PEX5L: variants seen among roughly 807,000 people sequenced by gnomAD.
PEX5L encodes PEX5-related protein.
In PEX5L, 30 loss-of-function variants were observed where a neutral mutation model predicts 84.0. That is an observed-to-expected ratio of 0.36 (90% CI 0.27 to 0.48). The LOEUF (loss-of-function observed/expected upper bound fraction) is 0.48. PEX5L is among the 20% of genes least tolerant of loss of function. PEX5L has a pLI of 0.99. For missense variants in PEX5L, 533 were observed against 754.6 expected (o/e 0.71, Z 3.44); for synonymous variants, 270 against 283.1 (o/e 0.95, Z 0.46).
At chr3:179,982,578 T>C (rs759519231) in intron 1 of PEX5L, among the ~76,000 whole-genome samples, 4 of 152,174 alleles carry the variant, frequency 2.6e-5, no homozygotes, top group Non-Finnish European at 1.5e-5. Flanking sequence ...ATGAGGAGCA[T>C]GAAGCTAGTA....
chr3:179,902,704 T>G, intron 2 of PEX5L: 2 of 456,456 alleles, frequency 4.4e-6, no homozygotes, highest in Non-Finnish European at 8.8e-6. Context: ...ACTTAAAGTA[T>G]GCAATTCCAC....
intron 2 of PEX5L, among the ~76,000 whole-genome samples, chr3:179,954,431 G>T (rs201239407): frequency 6.6e-6 from 1 of 152,074 alleles, no homozygotes; most frequent in Non-Finnish European, 1.5e-5. Context: ...GCCCTATTCC[G>T]TGATTCAGTA....
rs757953936 is a variant in PEX5L at position 179,947,633 on chromosome 3, T to C, written c.93+23961A>G. 2.6e-4 allele frequency among the ~76,000 whole-genome samples: 39 copies of C among 151,704 alleles called. No individual in the cohort carries two copies. In the South Asian group the frequency reaches 2.9e-3, roughly 11 times the overall value. On this transcript the variant is annotated intron_variant, in intron 2 of 14. Coordinates refer to ENST00000467460, the MANE Select transcript of PEX5L (RefSeq NM_016559.3). ...AAAGATAGTACTGACGCAAAGTAAA[T>C]AGCATTTTTTTAACTTTGTAGTTGC...
intron 2 of PEX5L, among the ~76,000 whole-genome samples, chr3:179,948,009 A>G (rs371288375): frequency 1.2e-4 from 19 of 152,232 alleles, no homozygotes; most frequent in African/African-American, 3.9e-4. Flanking sequence ...CCTGGCCAAA[A>G]AAGTTACTTT....
intron 1 of PEX5L, among the ~76,000 whole-genome samples, chr3:180,005,981 A>G (rs759627989): frequency 6.6e-6 from 1 of 152,186 alleles, no homozygotes; most frequent in Non-Finnish European, 1.5e-5. Flanking sequence ...GCATTAGAAC[A>G]TCCATTTTTA....
intron 2 of PEX5L, among the ~76,000 whole-genome samples, chr3:179,908,776 T>C (rs1578315073): frequency 4.6e-5 from 7 of 152,214 alleles, no homozygotes; most frequent in Admixed American, 3.3e-4. Flanking sequence ...GCTTCATCCA[T>C]GTCCCTACAA....
rs192350860 is a variant in PEX5L, at chr3:180,001,244, G to A, written c.22-29579C>T. 2.6e-5 allele frequency among the ~76,000 whole-genome samples: 4 copies of A among 151,638 alleles called. No individual in the cohort carries two copies. The East Asian group carries it at 7.7e-4, about 29-fold the overall frequency. ...TTTGGGACTTGCACTGGCTCTCCTTGCTCCTCAGCTTGCAGATGGCCAATT... is the reference window on the plus strand; with the variant it reads ...TTTGGGACTTGCACTGGCTCTCCTTACTCCTCAGCTTGCAGATGGCCAATT... On this transcript the variant is annotated intron_variant, in intron 1 of 14. Coordinates refer to ENST00000467460, the MANE Select transcript of PEX5L (RefSeq NM_016559.3).
At chr3:179,882,889 C>A (rs896841642) in intron 4 of PEX5L, among the ~76,000 whole-genome samples, 2 of 151,938 alleles carry the variant, frequency 1.3e-5, no homozygotes, top group African/African-American at 4.8e-5. Flanking sequence ...GAGTTTGAGA[C>A]CAGCCTAGGC....
In PEX5L at chr3:180,021,349, T is replaced by A. The variant is rs115236030; in HGVS notation, c.21+15230A>T. On this transcript the variant is annotated intron_variant, in intron 1 of 14. Transcript: ENST00000467460. ...GTAGGGCTTATAAGTCATATATTAT[T>A]GTGGAGGCCAGTGTTTTTCATACTT... Among the ~76,000 whole-genome samples the A allele has an allele frequency of 4.2e-3, 642 of 152,250 alleles. 11 individuals are homozygous for A. The highest frequency in any genetic ancestry group is 0.015 in the African/African-American group (616 of 41,540).
chr3:180,002,680 G>A (rs1462785910), intron 1 of PEX5L, among the ~76,000 whole-genome samples: 2 of 151,818 alleles, frequency 1.3e-5, no homozygotes, highest in Non-Finnish European at 2.9e-5. Flanking sequence ...AATCCTTTTG[G>A]GGGGCATATT....
chr3:180,026,390 T>C (rs1790960383), intron 1 of PEX5L, among the ~76,000 whole-genome samples: 1 of 152,164 alleles, frequency 6.6e-6, no homozygotes, highest in African/African-American at 2.4e-5. Flanking sequence ...ATGACTCAAA[T>C]GCACAGGGCA....
At chr3:179,992,591 T>C (rs1490162529) in intron 1 of PEX5L, among the ~76,000 whole-genome samples, 1 of 152,114 alleles carries the variant, frequency 6.6e-6, no homozygotes, top group Non-Finnish European at 1.5e-5. Context: ...AAAACAGAGA[T>C]GCAGTGGAAA....
At chr3:179,848,551 C>CA (rs377561010) in intron 8 of PEX5L, among the ~76,000 whole-genome samples, 36,197 of 95,502 alleles carry the variant, frequency 0.38, 6,129 homozygotes, top group African/African-American at 0.49. Flanking sequence ...AAACCTCTCT[C>CA]AAAAAAAAAA....
At chr3:179,974,560 A>G (rs1009029304) in intron 1 of PEX5L, among the ~76,000 whole-genome samples, 1 of 152,194 alleles carries the variant, frequency 6.6e-6, no homozygotes, top group African/African-American at 2.4e-5. Context: ...CTTCACCCCC[A>G]TAAGAAGCTT....
At chr3:179,987,191 A>AGCACT (rs1287319775) in intron 1 of PEX5L, among the ~76,000 whole-genome samples, 1 of 152,178 alleles carries the variant, frequency 6.6e-6, no homozygotes, top group Non-Finnish European at 1.5e-5. Context: ...CATATTTAAT[A>AGCACT]GCACTCATTA....
intron 8 of PEX5L, among the ~76,000 whole-genome samples, chr3:179,834,355 T>C (rs1577395894): frequency 6.6e-6 from 1 of 152,202 alleles, no homozygotes; most frequent in Non-Finnish European, 1.5e-5. Context: ...TCACTGAAAC[T>C]GCAGTTGGAT....
Position 179,819,969 on chromosome 3 carries a change from G to C in PEX5L, c.830C>G (p.Thr277Arg). ...ERAKAAVESD[T>R]EFWDKMQAEW... ...TGCTTGCATCTTATCCCAAAACTCT[G>C]TATCTGACTGGGAGACAGGAAAAAT... The change falls in exon 9 of 15, where the codon ACA becomes AGA. Residue 277 changes from threonine (T) to arginine (R), a missense_variant. Thr to Arg is a moderately conservative substitution (Grantham distance 71). Coordinates refer to ENST00000467460, the MANE Select transcript of PEX5L (RefSeq NM_016559.3). 1 of 1,611,816 alleles carries C rather than the reference G, an allele frequency of 6.2e-7. No individual in the cohort carries two copies.
intron 7 of PEX5L, among the ~76,000 whole-genome samples, chr3:179,867,078 T>C (rs554270740): frequency 2.0e-5 from 3 of 148,350 alleles, no homozygotes; most frequent in Non-Finnish European, 4.5e-5. Context: ...ACACAAAAAC[T>C]GTCCCTTGTA....
intron 2 of PEX5L, among the ~76,000 whole-genome samples, chr3:179,942,804 C>T (rs1001588558): frequency 6.6e-6 from 1 of 152,178 alleles, no homozygotes; most frequent in Admixed American, 6.5e-5. Context: ...AACCAAAGGA[C>T]GCAGCTTTCA....
Sources: gnomAD v4.1 joint callset for allele counts (sites outside exome capture counted in the v4.1 genomes callset) on GRCh38, gnomAD v4.1.1 for gene constraint, MANE v1.5 for transcripts, NCBI Gene and HGNC (gene_info 2026-07-23, HGNC 2026-07-21) for gene names.